Variants in CNTNAP2 observed in about 807,000 individuals in gnomAD.
CNTNAP2 encodes contactin-associated protein-like 2.
A neutral mutation model predicts 155.2 loss-of-function variants in CNTNAP2; 98 were observed. That is an observed-to-expected ratio of 0.63 (90% CI 0.54 to 0.75). CNTNAP2 has a LOEUF of 0.75. Ranked by LOEUF, CNTNAP2 falls within the 30% of genes least tolerant of loss-of-function variation. The pLI, the probability that CNTNAP2 is intolerant of heterozygous loss-of-function variation, is 0.00. For missense variants in CNTNAP2, 1,727 were observed against 1,688.1 expected (o/e 1.02, Z -0.40); for synonymous variants, 651 against 631.2 (o/e 1.03, Z -0.47).
chr7:147,255,491 G>A (rs1308537258), intron 8 of CNTNAP2, among the ~76,000 whole-genome samples: 1 of 152,026 alleles, frequency 6.6e-6, no homozygotes, highest in South Asian at 2.1e-4. Flanking sequence ...CAAAGTGCTG[G>A]GATTACAGGT....
Position 147,611,369 on chromosome 7 carries a change from C to T in CNTNAP2, c.1898-27737C>T, listed in dbSNP as rs114200530. On this transcript the variant is annotated intron_variant, in intron 12 of 23. Transcript: ENST00000361727. The stretch of plus-strand genomic sequence containing the variant: ...AATGCACATAAACCACATCCCTACC[C>T]AGTGTGAGTGAAAAAGGAAAGGGAA... Among the ~76,000 whole-genome samples, 1,195 of 152,280 alleles carry T rather than the reference C, an allele frequency of 7.8e-3. 18 individuals are homozygous for T. The highest frequency in any genetic ancestry group is 0.027 in the African/African-American group (1,131 of 41,550).
intron 3 of CNTNAP2, among the ~76,000 whole-genome samples, chr7:146,905,333 T>G (rs1297265987): frequency 6.6e-6 from 1 of 152,050 alleles, no homozygotes; most frequent in South Asian, 2.1e-4. Context: ...CTCAGAGAAC[T>G]GGGAATCTGT....
intron 8 of CNTNAP2, among the ~76,000 whole-genome samples, chr7:147,255,232 C>T (rs1178632914): frequency 6.6e-6 from 1 of 152,146 alleles, no homozygotes; most frequent in Admixed American, 6.6e-5. Flanking sequence ...TACACACACA[C>T]ACACAAACAC....
At chr7:146,603,232 G>A (rs937640089) in intron 1 of CNTNAP2, among the ~76,000 whole-genome samples, 1 of 151,210 alleles carries the variant, frequency 6.6e-6, no homozygotes, top group Admixed American at 6.6e-5. Context: ...CTAACAGGGT[G>A]AAACCCCGTC....
intron 20 of CNTNAP2, among the ~76,000 whole-genome samples, chr7:148,234,414 T>C (rs1428669202): frequency 1.3e-5 from 2 of 152,358 alleles, no homozygotes; most frequent in East Asian, 1.9e-4. Context: ...ATAAACCATA[T>C]GCTATGTACC....
intron 21 of CNTNAP2, among the ~76,000 whole-genome samples, chr7:148,351,604 G>A (rs544051121): frequency 2.6e-5 from 4 of 151,754 alleles, no homozygotes; most frequent in South Asian, 4.2e-4. Flanking sequence ...TTAGCTGGGC[G>A]TGGTGGTGTG....
intron 13 of CNTNAP2, among the ~76,000 whole-genome samples, chr7:147,738,492 C>T (rs975934239): frequency 2.0e-5 from 3 of 152,152 alleles, no homozygotes; most frequent in African/African-American, 4.8e-5. Flanking sequence ...AAAATAGAGG[C>T]AAGACCCTTC....
intron 1 of CNTNAP2, among the ~76,000 whole-genome samples, chr7:146,243,908 A>T (rs1427462541): frequency 6.6e-6 from 1 of 152,158 alleles, no homozygotes; most frequent in African/African-American, 2.4e-5. Context: ...GTATGGAGAG[A>T]TAATGGGCGA....
chr7:146,993,334 C>A (rs1798244078), intron 3 of CNTNAP2, among the ~76,000 whole-genome samples: 2 of 152,060 alleles, frequency 1.3e-5, no homozygotes, highest in African/African-American at 4.8e-5. Context: ...GTTTACTGGA[C>A]TTGTATGCGT....
At chr7:148,398,787 T>C (rs967443500) in intron 22 of CNTNAP2, among the ~76,000 whole-genome samples, 1 of 152,232 alleles carries the variant, frequency 6.6e-6, no homozygotes, top group African/African-American at 2.4e-5. Context: ...TGCAGAAGTC[T>C]GAAGACAATA....
At chr7:146,293,689 T>C (rs1165094673) in intron 1 of CNTNAP2, among the ~76,000 whole-genome samples, 1 of 152,176 alleles carries the variant, frequency 6.6e-6, no homozygotes, top group Non-Finnish European at 1.5e-5. Context: ...TCCTTTCATT[T>C]CACGTTGTTC....
chr7:147,755,756 GA>G (rs1473042038), intron 13 of CNTNAP2, among the ~76,000 whole-genome samples: 8 of 152,226 alleles, frequency 5.3e-5, no homozygotes, highest in South Asian at 2.1e-4. Flanking sequence ...CCTATGCTTA[GA>G]AAGATCCCAC....
At chr7:146,293,466 A>G (rs773723519) in intron 1 of CNTNAP2, among the ~76,000 whole-genome samples, 8 of 152,216 alleles carry the variant, frequency 5.3e-5, no homozygotes, top group Middle Eastern at 3.4e-3. Flanking sequence ...GCAACATGAA[A>G]CTCTCATGGA....
At chr7:146,636,280 TG>T (rs1463443277) in intron 1 of CNTNAP2, among the ~76,000 whole-genome samples, 1 of 152,156 alleles carries the variant, frequency 6.6e-6, no homozygotes, top group African/African-American at 2.4e-5. Context: ...CTTATGGAAC[TG>T]TATGCTAATC....
chr7:147,972,973 AAAGC>A (rs1037097305), intron 14 of CNTNAP2, among the ~76,000 whole-genome samples: 15 of 152,030 alleles, frequency 9.9e-5, no homozygotes, highest in Admixed American at 2.0e-4. Context: ...CACAAAAGCA[AAAGC>A]AAGACCTGTC....
chr7:147,076,575 A>C (rs1408982427), intron 4 of CNTNAP2, among the ~76,000 whole-genome samples: 15 of 152,150 alleles, frequency 9.9e-5, no homozygotes, highest in Admixed American at 9.8e-4. Flanking sequence ...ATAAATTTCT[A>C]AGTGAAATCA....
At chr7:148,140,878 G>A (rs1245240198) in intron 16 of CNTNAP2, among the ~76,000 whole-genome samples, 1 of 152,236 alleles carries the variant, frequency 6.6e-6, no homozygotes, top group Non-Finnish European at 1.5e-5. Context: ...CCAAAGGCAA[G>A]GGCCAGACCT....
At chr7:147,139,305 G>A (rs1306086107) in intron 8 of CNTNAP2, among the ~76,000 whole-genome samples, 1 of 152,024 alleles carries the variant, frequency 6.6e-6, no homozygotes, top group East Asian at 1.9e-4. Context: ...TGAGTAATTG[G>A]TAAATTTAAG....
intron 10 of CNTNAP2, among the ~76,000 whole-genome samples, chr7:147,456,940 G>C (rs1797926647): frequency 6.6e-6 from 1 of 152,168 alleles, no homozygotes; most frequent in South Asian, 2.1e-4. Flanking sequence ...CCAGTAAAAG[G>C]AGTGCTATAG....
Sources: allele counts gnomAD v4.1 joint callset (sites outside exome capture counted in the v4.1 genomes callset), GRCh38; gene constraint gnomAD v4.1.1; transcripts MANE v1.5; gene names NCBI Gene and HGNC (gene_info 2026-07-23, HGNC 2026-07-21).